Variants in CIST1 observed in about 807,000 individuals in gnomAD.
The protein encoded by CIST1 is colon, intestine and stomach enriched 1, also known as uncharacterized LOC729966.
the CIST1 span, chr19:18,252,119 G>A: frequency 7.5e-6 from 3 of 399,202 alleles, no homozygotes; most frequent in East Asian, 3.6e-5. Flanking sequence ...CCGTTCCGGG[G>A]CTGTGGGAAG....
At chr19:18,255,287 C>T in the CIST1 span, 2 of 399,246 alleles carry the variant, frequency 5.0e-6, no homozygotes, top group African/African-American at 2.1e-5. The surrounding 1 kb of genome is among the most constrained non-coding windows in gnomAD (Gnocchi z 4.6). Context: ...GCAGAAGTGG[C>T]GGCAGCTGGG....
At chr19:18,255,308 TC>T in the CIST1 span, 2 of 399,138 alleles carry the variant, frequency 5.0e-6, no homozygotes, top group African/African-American at 4.1e-5. The surrounding 1 kb of genome is among the most constrained non-coding windows in gnomAD (Gnocchi z 4.6). Context: ...GGCACGCCAT[TC>T]CTGCGCCGGG....
At chr19:18,252,616 C>G in the CIST1 span, 61 of 300,416 alleles carry the variant, frequency 2.0e-4, no homozygotes, top group Non-Finnish European at 3.0e-4. Context: ...TTCTCTCTCT[C>G]TTTTTTTTTT....
At chr19:18,252,188 G>A in the CIST1 span, 3 of 399,140 alleles carry the variant, frequency 7.5e-6, no homozygotes, top group Non-Finnish European at 1.3e-5. Flanking sequence ...GGGAAGAGGG[G>A]GTGAGCTCTG....
At chr19:18,253,764 A>G in the CIST1 span, among the ~76,000 whole-genome samples, 1,021 of 152,208 alleles carry the variant, frequency 6.7e-3, 17 homozygotes, top group African/African-American at 0.023. Context: ...TGGTCCAGCT[A>G]CTTCCTGGCT....
chr19:18,251,830 C>A, the CIST1 span, among the ~76,000 whole-genome samples: 10 of 152,082 alleles, frequency 6.6e-5, no homozygotes, highest in Admixed American at 6.6e-4. Flanking sequence ...CCTGTCTCCC[C>A]ACCACAGCAA....
chr19:18,254,918 T>C, the CIST1 span, among the ~76,000 whole-genome samples: 1 of 152,220 alleles, frequency 6.6e-6, no homozygotes, highest in Non-Finnish European at 1.5e-5. Flanking sequence ...GGGGATTGGC[T>C]AAAAGCAACA....
chr19:18,250,063 C>T, the CIST1 span: 2 of 398,742 alleles, frequency 5.0e-6, no homozygotes, highest in Non-Finnish European at 8.8e-6. Flanking sequence ...TTTATTTCCT[C>T]AGGTTCTGCT....
At chr19:18,252,762 C>A in the CIST1 span, among the ~76,000 whole-genome samples, 1 of 151,984 alleles carries the variant, frequency 6.6e-6, no homozygotes, top group Non-Finnish European at 1.5e-5. Context: ...GGATTACAGG[C>A]GTGCATTACC....
the CIST1 span, chr19:18,252,322 T>C: frequency 2.0e-5 from 8 of 398,936 alleles, no homozygotes; most frequent in East Asian, 2.5e-4. Context: ...CTTGAGGGGC[T>C]GAGGTGGGTT....
chr19:18,254,137 A>G, the CIST1 span, among the ~76,000 whole-genome samples: 1 of 152,154 alleles, frequency 6.6e-6, no homozygotes, highest in African/African-American at 2.4e-5. Flanking sequence ...TCCCCATTTG[A>G]CAGATGAGAA....
the CIST1 span, among the ~76,000 whole-genome samples, chr19:18,254,760 T>G: frequency 2.6e-5 from 4 of 152,140 alleles, no homozygotes; most frequent in Non-Finnish European, 5.9e-5. Context: ...CCCTCCACCC[T>G]AGGCACTGTC....
the CIST1 span, among the ~76,000 whole-genome samples, chr19:18,251,773 A>C: frequency 1.5e-5 from 2 of 137,438 alleles, no homozygotes; most frequent in African/African-American, 5.2e-5. Context: ...TTTTTTGTAG[A>C]GACAAAGTCC....
the CIST1 span, chr19:18,250,254 A>G: frequency 1.1e-4 from 42 of 398,910 alleles, no homozygotes; most frequent in Non-Finnish European, 7.1e-5. Flanking sequence ...TTGGGATAGC[A>G]GCTCCCCCAA....
the CIST1 span, chr19:18,255,314 G>A: frequency 1.8e-5 from 7 of 398,918 alleles, no homozygotes; most frequent in Non-Finnish European, 2.7e-5. The surrounding 1 kb of genome is among the most constrained non-coding windows in gnomAD (Gnocchi z 4.6). Flanking sequence ...CCATTCCTGC[G>A]CCGGGAGGGC....
At chr19:18,252,512 TC>T in the CIST1 span, 1 of 398,920 alleles carries the variant, frequency 2.5e-6, no homozygotes, top group Non-Finnish European at 4.4e-6. Context: ...CGCCTGTAAT[TC>T]CAGCACTTTG....
chr19:18,250,907 G>A, the CIST1 span, among the ~76,000 whole-genome samples: 1 of 151,086 alleles, frequency 6.6e-6, no homozygotes, highest in South Asian at 2.1e-4. Context: ...CCCAGTAGCT[G>A]AGACTACAAG....
the CIST1 span, among the ~76,000 whole-genome samples, chr19:18,251,676 A>ACCCCCCCCCCCCCCCCC: frequency 4.2e-5 from 1 of 23,568 alleles, no homozygotes; most frequent in African/African-American, 1.1e-4. Context: ...CTCGTGATAC[A>ACCCCCCCCCCCCCCCCC]CGCCCCCCCC....
At chr19:18,250,343 G>T in the CIST1 span, 1 of 399,080 alleles carries the variant, frequency 2.5e-6, no homozygotes, top group Non-Finnish European at 4.4e-6. Flanking sequence ...CTCAAACTTG[G>T]ACTCATTCCG....
Sources: gnomAD v4.1 joint callset for allele counts (sites outside exome capture counted in the v4.1 genomes callset) on GRCh38, gnomAD v4.1.1 for gene constraint, Gnocchi (gnomAD v3.1) non-coding constraint, MANE v1.5 for transcripts, NCBI Gene and HGNC (gene_info 2026-07-23, HGNC 2026-07-21) for gene names.